Variants in AMY2A observed in about 807,000 individuals in gnomAD.
The protein encoded by AMY2A is amylase alpha 2A.
A neutral mutation model predicts 43.0 loss-of-function variants in AMY2A; 16 were observed. That is an observed-to-expected ratio of 0.37 (90% confidence interval 0.25 to 0.56). AMY2A has a LOEUF of 0.56. Among genes scored for constraint, AMY2A ranks in the 20% least tolerant of loss-of-function variants. The pLI is 0.77. For synonymous variants in AMY2A, 70 were observed against 144.6 expected, an observed-to-expected ratio of 0.48 and a Z score of 3.70; for missense variants, 212 against 456.8, an observed-to-expected ratio of 0.46 and a Z score of 4.89.
At chr1:103,619,304 C>T (rs944132900) in intron 3 of AMY2A, among the ~76,000 whole-genome samples, 196 bp downstream of exon 3, 1 of 150,274 alleles carries the variant, frequency 6.7e-6, no homozygotes, top group African/African-American at 2.4e-5. Context: ...TTAATCAATA[C>T]ACATTTGCCC....
At chr1:103,618,742 G>C (rs552393730) in intron 2 of AMY2A, among the ~76,000 whole-genome samples, 169 bp from the exon 3 acceptor site, 6 of 150,752 alleles carry the variant, frequency 4.0e-5, no homozygotes, top group Admixed American at 2.6e-4. Context: ...TAGGTGTTTA[G>C]TTCACATTAC....
chr1:103,617,240 T>G (rs545180492), upstream of AMY2A: 2 of 1,228,702 alleles, frequency 1.6e-6, 1 homozygote, highest in East Asian at 5.1e-5. Flanking sequence ...CATTAATATC[T>G]AAAAGGTCAT....
At position 103,617,967 on chromosome 1, in the gene AMY2A, A is replaced by G; in HGVS notation, c.182A>G (p.Asn61Ser). ...GFGGVQVSPP[N>S]ENVAIYNPFR... ...TTTAATTTGTAGGTCTCTCCACCAA[A>G]TGAAAATGTTGCAATTTACAACCCT... The change falls in exon 2 of 10, where the codon AAT (asparagine) becomes AGT (serine). Residue 61 changes from asparagine (N) to serine (S), a missense_variant. This residue lies in a region of AMY2A where 199 missense variants were observed against 210.6 expected (regional missense o/e 0.94). Coordinates refer to ENST00000414303, the MANE Select transcript of AMY2A (RefSeq NM_000699.4). 1.2e-6 allele frequency: 2 copies of G among 1,600,642 alleles called. No homozygotes were observed. The highest frequency in any genetic ancestry group is 1.7e-6 in the Non-Finnish European group (2 of 1,170,690).
upstream of AMY2A, chr1:103,617,185 C>T (rs1223251424): frequency 2.9e-6 from 3 of 1,040,674 alleles, no homozygotes; most frequent in Non-Finnish European, 4.0e-6. Context: ...AGCAACAGGT[C>T]ACTGTTTAAG....
At chr1:103,617,928 A>T in intron 1 of AMY2A, 26 bp from the exon 2 acceptor site, 1 of 1,600,252 alleles carries the variant, frequency 6.2e-7, no homozygotes. Context: ...AGAATTTGGT[A>T]CTTATGAAGA....
chr1:103,616,997 T>G (rs1401386047), upstream of AMY2A: 12 of 1,037,770 alleles, frequency 1.2e-5, no homozygotes, highest in Non-Finnish European at 1.4e-5. Flanking sequence ...TAGCTTACGT[T>G]ATCTACCAGA....
intron 2 of AMY2A, 46 bp downstream of exon 2, chr1:103,618,146 G>T: frequency 3.8e-6 from 6 of 1,575,344 alleles, no homozygotes; most frequent in South Asian, 2.3e-5. Context: ...CAGGAAAATG[G>T]TTTCTCTCTC....
chr1:103,618,777 T>C (rs567733475), intron 2 of AMY2A, 134 bp from the exon 3 acceptor site: 2 of 1,490,968 alleles, frequency 1.3e-6, no homozygotes, highest in African/African-American at 1.4e-5. Context: ...TGATTTTTGA[T>C]CTTGTAGGAA....
At chr1:103,618,141 A>T in intron 2 of AMY2A, 41 bp downstream of exon 2, 1 of 1,582,574 alleles carries the variant, frequency 6.3e-7, no homozygotes, top group Middle Eastern at 2.3e-4. Flanking sequence ...ACAGACAGGA[A>T]AATGGTTTCT....
At chr1:103,624,285 TC>T in intron 9 of AMY2A, 64 bp downstream of exon 9, 1 of 651,096 alleles carries the variant, frequency 1.5e-6, no homozygotes. Flanking sequence ...TTCTTTTTTT[TC>T]TCTGTTCATT....
At chr1:103,617,229 A>C, upstream of AMY2A, 1 of 1,171,798 alleles carries the variant, frequency 8.5e-7, no homozygotes, top group South Asian at 1.6e-5. Flanking sequence ...CCTAAGAAAA[A>C]CATTAATATC....
upstream of AMY2A, chr1:103,617,144 T>C: frequency 1.0e-6 from 1 of 967,524 alleles, no homozygotes; most frequent in East Asian, 3.8e-5. Flanking sequence ...AAATTTTGGT[T>C]TTCTACTGTT....
Position 103,618,234 on chromosome 1 carries a change from A to C in AMY2A, c.315+134A>C, listed in dbSNP as rs1653134262. ...TTTACTTCATAATTTAAAACTCAAA[A>C]TTAACTGTTTATTTATGTTCAACTT... is the stretch of plus-strand genomic sequence containing the variant. On this transcript the variant is annotated intron_variant, in intron 2 of 9. Transcript: ENST00000414303. 5.8e-6 allele frequency: 8 copies of C among 1,374,146 alleles called. No individual in the cohort carries two copies. In the South Asian group the frequency reaches 1.0e-4, roughly 18 times the overall value. 85.1% of individuals were successfully genotyped at this position (1,374,146 alleles called of 1,614,324 possible).
upstream of AMY2A, chr1:103,617,176 G>C (rs1257251832): frequency 9.9e-7 from 1 of 1,009,382 alleles, no homozygotes; most frequent in African/African-American, 1.6e-5. Context: ...TTAGGCCCCA[G>C]CAACAGGTCA....
Position 103,623,454 on chromosome 1 carries a change from A to AT in AMY2A, c.1102-406dup, listed in dbSNP as rs2101102147. 3.8e-5 allele frequency among the ~76,000 whole-genome samples: 3 copies of AT among 79,134 alleles called. 1 individual carries two copies. The highest frequency in any genetic ancestry group is 2.3e-4 in the East Asian group (1 of 4,308). 51.9% of individuals were successfully genotyped at this position (79,134 alleles called of 152,430 possible). Reference sequence around the variant, plus strand: ...TAGCAAGACCTCGTCTTTACTGAAAATTTTTTAAAAATTAGCTGGTTGCGG... The same window carrying AT: ...TAGCAAGACCTCGTCTTTACTGAAAATTTTTTTAAAAATTAGCTGGTTGCGG... On this transcript the variant is annotated intron_variant, in intron 7 of 9. Coordinates refer to ENST00000414303, the MANE Select transcript of AMY2A (RefSeq NM_000699.4).
chr1:103,617,546 T>C lies in AMY2A; in HGVS notation c.106T>C (p.Trp36Arg). ...TATTGTTCATCTGTTTGAATGGCGA[T>C]GGGTTGATATTGCTCTTGAATGTGA... Reference protein sequence around the residue: ...TSIVHLFEWRWVDIALECERY... With the variant: ...TSIVHLFEWRRVDIALECERY... Residue 36 changes from tryptophan (W) to arginine (R), a missense_variant, in exon 1 of 10, where the codon TGG (tryptophan) becomes CGG (arginine). By Grantham distance (101) the Trp-to-Arg change is moderately radical. This residue lies in a region of AMY2A where 199 missense variants were observed against 210.6 expected (regional missense o/e 0.94). Coordinates refer to ENST00000414303, the MANE Select transcript of AMY2A (RefSeq NM_000699.4). 6.2e-7 allele frequency: 1 copy of C among 1,600,842 alleles called. No individual in the cohort carries two copies. The highest frequency in any genetic ancestry group is 8.5e-7 in the Non-Finnish European group (1 of 1,170,860).
At chr1:103,616,969 G>A (rs987514251), upstream of AMY2A, 2 of 1,042,000 alleles carry the variant, frequency 1.9e-6, no homozygotes, top group South Asian at 3.0e-5. Flanking sequence ...CCAAGCCATA[G>A]GACCCAGTTT....
chr1:103,619,218 C>G, intron 3 of AMY2A, 110 bp downstream of exon 3: 1 of 608,878 alleles, frequency 1.6e-6, no homozygotes, highest in Non-Finnish European at 2.9e-6. Context: ...CTCTTAGGGA[C>G]AGAAGTTAAC....
chr1:103,618,204 T>C (rs1557781214), intron 2 of AMY2A, 104 bp downstream of exon 2: 1 of 1,463,174 alleles, frequency 6.8e-7, no homozygotes, highest in Non-Finnish European at 9.2e-7. Context: ...TTTTATTTTT[T>C]TAATTTTACT....
Sources: allele counts gnomAD v4.1 joint callset (sites outside exome capture counted in the v4.1 genomes callset), GRCh38; gene constraint gnomAD v4.1.1; regional missense constraint gnomAD v4.1.1; transcripts MANE v1.5; gene names NCBI Gene and HGNC (gene_info 2026-07-23, HGNC 2026-07-21).